Variants in WARS2 observed in about 807,000 individuals in gnomAD.
WARS2 encodes tryptophanyl tRNA synthetase 2, mitochondrial, also known as tryptophan--tRNA ligase, mitochondrial.
Under a neutral mutation model 36.5 loss-of-function variants are expected in WARS2, and 28 were observed. That is an observed-to-expected ratio of 0.77 (90% CI 0.57 to 1.05). WARS2 has a LOEUF of 1.05. WARS2 is among the 50% of genes least tolerant of loss of function. WARS2 has a pLI of 0.00. For synonymous variants in WARS2, 174 were observed against 178.4 expected, an observed-to-expected ratio of 0.98 and a Z score of 0.20; for missense variants, 435 against 456.8, an observed-to-expected ratio of 0.95 and a Z score of 0.44.
At chr1:119,096,639 T>G (rs1653461917) in intron 1 of WARS2, among the ~76,000 whole-genome samples, 1 of 152,182 alleles carries the variant, frequency 6.6e-6, no homozygotes, top group African/African-American at 2.4e-5. Flanking sequence ...AACTGGAAAT[T>G]TTTAAATGTT....
chr1:119,049,930 A>G (rs1047159850), intron 2 of WARS2, among the ~76,000 whole-genome samples: 2 of 152,156 alleles, frequency 1.3e-5, no homozygotes, highest in African/African-American at 2.4e-5. Flanking sequence ...CTAGCTCCCT[A>G]CAGTCTATTC....
At chr1:119,117,172 G>C (rs957445886) in intron 1 of WARS2, among the ~76,000 whole-genome samples, 1 of 152,092 alleles carries the variant, frequency 6.6e-6, no homozygotes, top group East Asian at 1.9e-4. Context: ...CCACTTGTCT[G>C]GTGACTTGTA....
At chr1:119,098,953 T>C (rs1179137600) in intron 1 of WARS2, among the ~76,000 whole-genome samples, 1 of 150,998 alleles carries the variant, frequency 6.6e-6, no homozygotes, top group African/African-American at 2.4e-5. Flanking sequence ...GCCAGGCTGG[T>C]CTTGAAGTCC....
At chr1:119,128,880 G>C (rs1213079107) in intron 1 of WARS2, among the ~76,000 whole-genome samples, 1 of 152,060 alleles carries the variant, frequency 6.6e-6, no homozygotes, top group South Asian at 2.1e-4. Flanking sequence ...AGACAAGAGG[G>C]CAAGCTGTGT....
Position 119,098,204 on chromosome 1 carries a change from G to A in WARS2, c.91-21597C>T, listed in dbSNP as rs587643467. 5.5e-3 allele frequency among the ~76,000 whole-genome samples: 836 copies of A among 152,060 alleles called. 8 individuals are homozygous for A. The highest frequency in any genetic ancestry group is 0.019 in the African/African-American group (789 of 41,486). On this transcript the variant is annotated intron_variant, in intron 1 of 5. Coordinates refer to ENST00000235521, the MANE Select transcript of WARS2 (RefSeq NM_015836.4). ...GTGGAGGTTGCAGTGAGCCAAGATC[G>A]TGCCACTGCACTCCAACCAGGGCAG...
At chr1:119,062,305 ACC>A (rs1360989412) in intron 2 of WARS2, among the ~76,000 whole-genome samples, 1 of 152,142 alleles carries the variant, frequency 6.6e-6, no homozygotes, top group East Asian at 1.9e-4. Flanking sequence ...GTAGACTAGT[ACC>A]AAACATAACC....
intron 1 of WARS2, among the ~76,000 whole-genome samples, chr1:119,116,146 C>T (rs1654954895): frequency 6.6e-6 from 1 of 152,114 alleles, no homozygotes; most frequent in African/African-American, 2.4e-5. Flanking sequence ...TTCTATCATA[C>T]CAGAAATACC....
intron 1 of WARS2, among the ~76,000 whole-genome samples, chr1:119,095,664 C>G (rs912612795): frequency 4.6e-5 from 7 of 152,154 alleles, no homozygotes; most frequent in Admixed American, 2.6e-4. Flanking sequence ...AACTCCTGAC[C>G]TCGTGATCCA....
chr1:119,051,608 C>T (rs556625059), intron 2 of WARS2, among the ~76,000 whole-genome samples: 3 of 152,174 alleles, frequency 2.0e-5, no homozygotes, highest in African/African-American at 7.2e-5. Context: ...CTTTGAGGAA[C>T]TGCCACACTA....
At chr1:119,138,478 C>T (rs186579897) in intron 1 of WARS2, among the ~76,000 whole-genome samples, 32 of 152,228 alleles carry the variant, frequency 2.1e-4, no homozygotes, top group African/African-American at 7.2e-4. Context: ...TCAATTTAGA[C>T]ATGTGAAAAA....
intron 2 of WARS2, among the ~76,000 whole-genome samples, chr1:119,054,486 T>C (rs567265609): frequency 6.8e-4 from 103 of 152,126 alleles, no homozygotes; most frequent in African/African-American, 2.2e-3. Flanking sequence ...CTATGGAAAA[T>C]AGCATAGCGA....
At chr1:119,128,058 A>G (rs185938639) in intron 1 of WARS2, among the ~76,000 whole-genome samples, 3 of 152,136 alleles carry the variant, frequency 2.0e-5, no homozygotes, top group Non-Finnish European at 2.9e-5. Flanking sequence ...CCAACTGTAA[A>G]TTCTTTTTTT....
At chr1:119,086,269 T>C (rs1328627749) in intron 1 of WARS2, among the ~76,000 whole-genome samples, 1 of 152,220 alleles carries the variant, frequency 6.6e-6, no homozygotes, top group Non-Finnish European at 1.5e-5. Flanking sequence ...CAATTATCAC[T>C]GCTCACACAT....
rs1647542498 is a variant in WARS2 at position 119,032,879 on chromosome 1, A to C, written c.*32T>G. The C allele has an allele frequency of 6.3e-7, 1 of 1,575,764 alleles. No homozygotes were observed. Among genetic ancestry groups the C allele is most frequent in the Non-Finnish European group, 8.7e-7 (1 of 1,154,784 alleles). On this transcript the variant is annotated 3_prime_UTR_variant, in exon 6 of 6. Coordinates refer to ENST00000235521, the MANE Select transcript of WARS2 (RefSeq NM_015836.4). ...TATCAGAATGCATGGAGTGCAAGGC[A>C]CAAAAGCCTTGCTGTGATTCGTTGA...
At chr1:119,043,724 A>G (rs1193224287) in intron 3 of WARS2, among the ~76,000 whole-genome samples, 1 of 152,260 alleles carries the variant, frequency 6.6e-6, no homozygotes, top group East Asian at 1.9e-4. Context: ...AAAAGTTGCC[A>G]TCACATTCAA....
intron 1 of WARS2, among the ~76,000 whole-genome samples, chr1:119,100,005 G>A (rs1290449781): frequency 3.3e-5 from 5 of 152,160 alleles, no homozygotes; most frequent in African/African-American, 9.7e-5. Flanking sequence ...TCAACAGAGT[G>A]AATAGACACC....
intron 1 of WARS2, among the ~76,000 whole-genome samples, chr1:119,133,078 C>G (rs1267991904): frequency 6.6e-6 from 1 of 152,190 alleles, no homozygotes; most frequent in Non-Finnish European, 1.5e-5. Context: ...ACCTGCAGGG[C>G]TCTGTGCAGG....
chr1:119,045,260 C>G (rs1648696978), intron 3 of WARS2, among the ~76,000 whole-genome samples: 2 of 152,110 alleles, frequency 1.3e-5, no homozygotes, highest in South Asian at 4.1e-4. Context: ...GGGAGGCAAC[C>G]TCAGAGTCTA....
intron 4 of WARS2, among the ~76,000 whole-genome samples, chr1:119,041,059 C>G (rs1372463149): frequency 6.6e-6 from 1 of 152,194 alleles, no homozygotes; most frequent in Admixed American, 6.5e-5. Flanking sequence ...TGGACATTCC[C>G]TGTTTGTAGA....
Sources: allele counts gnomAD v4.1 joint callset (sites outside exome capture counted in the v4.1 genomes callset), GRCh38; gene constraint gnomAD v4.1.1; transcripts MANE v1.5; gene names NCBI Gene and HGNC (gene_info 2026-07-23, HGNC 2026-07-21).